Variants in ENTREP2 observed in about 807,000 individuals in gnomAD.
The protein encoded by ENTREP2 is endosomal transmembrane epsin interactor 2.
At chr15:29,206,957 T>C in the ENTREP2 span, among the ~76,000 whole-genome samples, 1 of 152,144 alleles carries the variant, frequency 6.6e-6, no homozygotes, top group South Asian at 2.1e-4. Context: ...CAAAACTACC[T>C]TCACCACTGT....
At chr15:29,492,057 T>G in the ENTREP2 span, among the ~76,000 whole-genome samples, 1 of 136,824 alleles carries the variant, frequency 7.3e-6, no homozygotes, top group African/African-American at 3.0e-5. Flanking sequence ...TTTCTACTGT[T>G]GGTTTGATTT....
At chr15:29,192,934 C>T in the ENTREP2 span, among the ~76,000 whole-genome samples, 1 of 152,078 alleles carries the variant, frequency 6.6e-6, no homozygotes, top group Non-Finnish European at 1.5e-5. Flanking sequence ...AAAAACAAAA[C>T]AAAAACCACT....
At chr15:29,351,642 A>ATTTAT in the ENTREP2 span, among the ~76,000 whole-genome samples, 1 of 152,156 alleles carries the variant, frequency 6.6e-6, no homozygotes, top group South Asian at 2.1e-4. Flanking sequence ...TATGAAATTT[A>ATTTAT]TTTATTTTAT....
the ENTREP2 span, among the ~76,000 whole-genome samples, chr15:29,310,431 T>A: frequency 6.6e-6 from 1 of 152,164 alleles, no homozygotes; most frequent in African/African-American, 2.4e-5. Flanking sequence ...AGGGGACATC[T>A]CTAGGGAGGT....
chr15:29,342,908 T>A, the ENTREP2 span, among the ~76,000 whole-genome samples: 1 of 152,200 alleles, frequency 6.6e-6, no homozygotes, highest in Admixed American at 6.5e-5. Flanking sequence ...TAAGTTTGCA[T>A]ACTTTCTTAG....
chr15:29,214,596 G>C, the ENTREP2 span, among the ~76,000 whole-genome samples: 10,157 of 151,500 alleles, frequency 0.067, 1,177 homozygotes, highest in African/African-American at 0.23. Context: ...TAAATGACGA[G>C]TTAATGGGTG....
At chr15:29,390,565 T>A in the ENTREP2 span, among the ~76,000 whole-genome samples, 1 of 152,090 alleles carries the variant, frequency 6.6e-6, no homozygotes, top group East Asian at 1.9e-4. Context: ...AGGCAAGAGA[T>A]AAAATCAGAA....
chr15:29,318,571 C>T, the ENTREP2 span, among the ~76,000 whole-genome samples: 3 of 152,134 alleles, frequency 2.0e-5, no homozygotes, highest in Admixed American at 6.5e-5. Context: ...CCGCCCACCT[C>T]GGCCTCCCAA....
At chr15:29,404,441 T>C in the ENTREP2 span, among the ~76,000 whole-genome samples, 1 of 151,854 alleles carries the variant, frequency 6.6e-6, no homozygotes, top group Admixed American at 6.6e-5. Flanking sequence ...AACTCCCCTG[T>C]CTGGTCAGTT....
At chr15:29,152,525 C>T in the ENTREP2 span, among the ~76,000 whole-genome samples, 1 of 152,222 alleles carries the variant, frequency 6.6e-6, no homozygotes, top group Admixed American at 6.5e-5. Context: ...GATTGCACAG[C>T]ATGTAACCTT....
the ENTREP2 span, among the ~76,000 whole-genome samples, chr15:29,305,882 A>C: frequency 6.6e-6 from 1 of 152,228 alleles, no homozygotes; most frequent in Non-Finnish European, 1.5e-5. Flanking sequence ...CTGGATAGAG[A>C]GGAAGACTCG....
At chr15:29,240,119 T>C in the ENTREP2 span, among the ~76,000 whole-genome samples, 1 of 152,116 alleles carries the variant, frequency 6.6e-6, no homozygotes, top group African/African-American at 2.4e-5. Flanking sequence ...TCCCAACACT[T>C]TGGGAGGCCG....
the ENTREP2 span, among the ~76,000 whole-genome samples, chr15:29,428,902 GCA>G: frequency 6.6e-6 from 1 of 152,220 alleles, no homozygotes. Flanking sequence ...AACATTCACT[GCA>G]CAGAGAGGCA....
the ENTREP2 span, among the ~76,000 whole-genome samples, chr15:29,236,495 A>G: frequency 6.6e-6 from 1 of 152,054 alleles, no homozygotes; most frequent in African/African-American, 2.4e-5. Context: ...ACATAAAAAA[A>G]AAAAGTAGCC....
chr15:29,567,132 C>T, the ENTREP2 span, among the ~76,000 whole-genome samples: 1 of 152,218 alleles, frequency 6.6e-6, no homozygotes, highest in African/African-American at 2.4e-5. Context: ...CCTGCTGACT[C>T]ACTGGCTGGC....
the ENTREP2 span, among the ~76,000 whole-genome samples, chr15:29,141,937 G>C: frequency 5.0e-4 from 76 of 152,328 alleles, no homozygotes; most frequent in Middle Eastern, 0.01. Flanking sequence ...ACAGGGTGAG[G>C]CCTGTGTTCA....
chr15:29,633,558 A>T, the ENTREP2 span, among the ~76,000 whole-genome samples: 2 of 152,108 alleles, frequency 1.3e-5, no homozygotes, highest in Non-Finnish European at 1.5e-5. Flanking sequence ...GGACAAAAAT[A>T]GAAGGGTGGG....
the ENTREP2 span, among the ~76,000 whole-genome samples, chr15:29,649,729 A>AC: frequency 7.2e-5 from 10 of 138,150 alleles, no homozygotes; most frequent in African/African-American, 1.9e-4. Flanking sequence ...AACAACAACA[A>AC]AAAAAAAAAA....
At chr15:29,159,048 G>A in the ENTREP2 span, among the ~76,000 whole-genome samples, 1 of 152,156 alleles carries the variant, frequency 6.6e-6, no homozygotes, top group Non-Finnish European at 1.5e-5. Context: ...AGCGGGTCGT[G>A]GTAGTGTATC....
Sources: gnomAD v4.1 joint callset for allele counts (sites outside exome capture counted in the v4.1 genomes callset) on GRCh38, gnomAD v4.1.1 for gene constraint, MANE v1.5 for transcripts, NCBI Gene and HGNC (gene_info 2026-07-23, HGNC 2026-07-21) for gene names.